ST8SIA4: variants seen among roughly 807,000 people sequenced by gnomAD.
ST8SIA4 encodes the protein CMP-N-acetylneuraminate-poly-alpha-2,8-sialyltransferase.
In ST8SIA4, 15 loss-of-function variants were observed where a neutral mutation model predicts 33.9. That is an observed-to-expected ratio of 0.44 (90% confidence interval 0.30 to 0.68). The LOEUF is 0.68. Among genes scored for constraint, ST8SIA4 ranks in the 30% least tolerant of loss-of-function variants. ST8SIA4 has a pLI of 0.10. For missense variants in ST8SIA4, 321 were observed against 428.0 expected (o/e 0.75, Z 2.21); for synonymous variants, 171 against 151.2 (o/e 1.13, Z -0.96).
chr5:100,825,851 G>A (rs1463356186), intron 4 of ST8SIA4, among the ~76,000 whole-genome samples: 1 of 152,128 alleles, frequency 6.6e-6, no homozygotes, highest in African/African-American at 2.4e-5. Flanking sequence ...CTAATTTGTA[G>A]CTTGTAGAGA....
intron 4 of ST8SIA4, among the ~76,000 whole-genome samples, chr5:100,838,307 T>C (rs1440585671): frequency 6.6e-6 from 1 of 152,174 alleles, no homozygotes; most frequent in East Asian, 1.9e-4. Context: ...ACAGTTAATT[T>C]CATTTTTAAA....
chr5:100,895,902 A>G, intron 1 of ST8SIA4, 117 bp from the exon 2 acceptor site: 4 of 1,092,142 alleles, frequency 3.7e-6, no homozygotes, highest in South Asian at 1.9e-5. Flanking sequence ...TTCCCCTACA[A>G]GTTAGAAGGA....
rs1008019122 is a variant in ST8SIA4 at position 100,811,619 on chromosome 5, T to A, written c.*228A>T. ...CTACTGATTATACATTCAAACTGTA[T>A]TCTTAGTGGAAGTGGCACTTACTAG... is the stretch of plus-strand genomic sequence containing the variant. On this transcript the variant is annotated 3_prime_UTR_variant, in exon 5 of 5. Transcript: ENST00000231461. 1 of 487,796 alleles carries A rather than the reference T, an allele frequency of 2.1e-6. No individual in the cohort carries two copies. The highest frequency in any genetic ancestry group is 3.7e-6 in the Non-Finnish European group (1 of 270,788). 30.2% of individuals were successfully genotyped at this position (487,796 alleles called of 1,614,324 possible).
At chr5:100,856,458 T>C (rs757886634) in intron 3 of ST8SIA4, 62 bp from the exon 4 acceptor site, 3 of 1,466,408 alleles carry the variant, frequency 2.0e-6, no homozygotes, top group Non-Finnish European at 2.8e-6. Context: ...GGTAAAATGG[T>C]GTTCATGAAA....
chr5:100,821,212 T>G (rs893395755), intron 4 of ST8SIA4, among the ~76,000 whole-genome samples: 1 of 152,066 alleles, frequency 6.6e-6, no homozygotes. Flanking sequence ...AGTGCAATCA[T>G]TTATCAGAGG....
At chr5:100,831,945 T>A (rs1350617563) in intron 4 of ST8SIA4, among the ~76,000 whole-genome samples, 1 of 152,118 alleles carries the variant, frequency 6.6e-6, no homozygotes, top group Admixed American at 6.6e-5. Context: ...AATACTTGAG[T>A]ATACTCCCAG....
At chr5:100,842,858 G>A (rs551399401) in intron 4 of ST8SIA4, among the ~76,000 whole-genome samples, 2 of 151,890 alleles carry the variant, frequency 1.3e-5, no homozygotes, top group South Asian at 4.1e-4. Context: ...TAGAATCTGT[G>A]CCATGCTAGA....
intron 4 of ST8SIA4, among the ~76,000 whole-genome samples, chr5:100,854,496 C>T (rs1036541622): frequency 4.3e-4 from 65 of 151,954 alleles, no homozygotes; most frequent in Non-Finnish European, 6.6e-4. Context: ...GGCAGGAGAA[C>T]GGCGTGAACC....
chr5:100,840,906 C>A (rs1751458218), intron 4 of ST8SIA4, among the ~76,000 whole-genome samples: 1 of 151,640 alleles, frequency 6.6e-6, no homozygotes, highest in African/African-American at 2.4e-5. Context: ...CTAGTAAGTA[C>A]CCCTTTCCCT....
chr5:100,828,033 T>C (rs1209434071), intron 4 of ST8SIA4, among the ~76,000 whole-genome samples: 4 of 152,234 alleles, frequency 2.6e-5, no homozygotes, highest in Non-Finnish European at 5.9e-5. Flanking sequence ...ATGTATATAC[T>C]GAAGCAAAAA....
At chr5:100,815,238 C>A (rs1165617841) in intron 4 of ST8SIA4, among the ~76,000 whole-genome samples, 1 of 151,866 alleles carries the variant, frequency 6.6e-6, no homozygotes, top group Non-Finnish European at 1.5e-5. Context: ...CTAAGAAAAA[C>A]ATTACCTATA....
At chr5:100,902,759 C>T in intron 1 of ST8SIA4, 84 bp downstream of exon 1, 1 of 1,175,000 alleles carries the variant, frequency 8.5e-7, no homozygotes, top group Non-Finnish European at 1.3e-6. Context: ...ACATGCTATC[C>T]TAACCATCAC....
intron 3 of ST8SIA4, 179 bp downstream of exon 3, chr5:100,886,164 A>C: frequency 7.2e-7 from 1 of 1,391,984 alleles, no homozygotes; most frequent in Non-Finnish European, 9.3e-7. Flanking sequence ...TCAACTACGC[A>C]ATAATTATAA....
intron 3 of ST8SIA4, chr5:100,886,124 C>T (rs1302926520): frequency 2.6e-5 from 34 of 1,316,442 alleles, no homozygotes; most frequent in Non-Finnish European, 3.2e-5. Flanking sequence ...CTGTGTGAAT[C>T]TTGTTGCTAT....
In ST8SIA4 at chr5:100,883,052, T is replaced by A. The variant is rs572421614; in HGVS notation, c.503+3291A>T. Among the ~76,000 whole-genome samples the A allele has an allele frequency of 5.3e-4, 80 of 152,138 alleles. 1 individual carries two copies. The highest frequency in any genetic ancestry group is 8.7e-4 in the Non-Finnish European group (59 of 68,004). The stretch of plus-strand genomic sequence containing the variant: ...AGCTGTGAGAAGAGGGCCACCATCC[T>A]TCAGACCCCAGAATGGTAGATGCAC... On this transcript the variant is annotated intron_variant, in intron 3 of 4. Transcript: ENST00000231461.
intron 2 of ST8SIA4, among the ~76,000 whole-genome samples, chr5:100,887,936 C>G (rs1752575069): frequency 6.6e-6 from 1 of 151,952 alleles, no homozygotes. Flanking sequence ...TTAAATGTTC[C>G]TGTAACCCCA....
chr5:100,820,825 T>C (rs1440290821), intron 4 of ST8SIA4, among the ~76,000 whole-genome samples: 6 of 152,166 alleles, frequency 3.9e-5, no homozygotes, highest in Non-Finnish European at 7.4e-5. Context: ...TAACTGCATT[T>C]AGTAAAATAT....
At position 100,845,697 on chromosome 5, in the gene ST8SIA4, T is replaced by C. The variant is rs73159966; in HGVS notation, c.797+10406A>G. Among the ~76,000 whole-genome samples the C allele has an allele frequency of 4.0e-3, 607 of 152,072 alleles. 5 individuals are homozygous for C. Among genetic ancestry groups the C allele is most frequent in the African/African-American group, 0.014 (583 of 41,554 alleles). On this transcript the variant is annotated intron_variant, in intron 4 of 4. Transcript: ENST00000231461. ...CTTTGTTCTGATTATGAAATTTTAG[T>C]CTTAGAATTTATAAAATAATGACAA...
intron 4 of ST8SIA4, among the ~76,000 whole-genome samples, chr5:100,843,799 C>A (rs773114091): frequency 1.9e-4 from 29 of 151,898 alleles, no homozygotes; most frequent in African/African-American, 5.3e-4. Flanking sequence ...TCTGCAAATT[C>A]CCAAAACATG....
Sources: gnomAD v4.1 joint callset for allele counts (sites outside exome capture counted in the v4.1 genomes callset) on GRCh38, gnomAD v4.1.1 for gene constraint, MANE v1.5 for transcripts, NCBI Gene and HGNC (gene_info 2026-07-23, HGNC 2026-07-21) for gene names.